Variants in RPS6KC1 observed in about 807,000 individuals in gnomAD.
RPS6KC1 encodes the protein inactive ribosomal protein S6 kinase delta-1.
A neutral mutation model predicts 103.8 loss-of-function variants in RPS6KC1; 54 were observed. The observed-to-expected ratio is 0.52, with a 90% CI of 0.42 to 0.65. The LOEUF (loss-of-function observed/expected upper bound fraction) is 0.65. Ranked by LOEUF, RPS6KC1 falls within the 30% of genes least tolerant of loss-of-function variation. The pLI is 0.00. For synonymous variants in RPS6KC1, 439 were observed against 438.7 expected, an observed-to-expected ratio of 1.00 and a Z score of -0.01; for missense variants, 1,151 against 1,253.8, an observed-to-expected ratio of 0.92 and a Z score of 1.24.
chr1:213,281,434 G>C, the RPS6KC1 span, among the ~76,000 whole-genome samples: 4 of 152,218 alleles, frequency 2.6e-5, no homozygotes, highest in Non-Finnish European at 4.4e-5. Context: ...TTAGGGCAGG[G>C]CCTGAAGCCT....
At chr1:213,833,026 C>A in the RPS6KC1 span, among the ~76,000 whole-genome samples, 2 of 152,152 alleles carry the variant, frequency 1.3e-5, no homozygotes, top group Non-Finnish European at 2.9e-5. Context: ...CCTGCCCACA[C>A]CCCCGAAGAC....
chr1:213,167,438 A>AC (rs2091060785), intron 6 of RPS6KC1, among the ~76,000 whole-genome samples: 2 of 127,576 alleles, frequency 1.6e-5, no homozygotes, highest in East Asian at 2.2e-4. Flanking sequence ...CCAAGGTTGA[A>AC]AACACACACA....
the RPS6KC1 span, among the ~76,000 whole-genome samples, chr1:213,333,055 T>G: frequency 6.6e-6 from 1 of 152,222 alleles, no homozygotes; most frequent in East Asian, 1.9e-4. Context: ...GAAAATCTTA[T>G]TGTTTCCACC....
chr1:213,844,313 C>G, the RPS6KC1 span, among the ~76,000 whole-genome samples: 2 of 152,136 alleles, frequency 1.3e-5, no homozygotes, highest in Non-Finnish European at 2.9e-5. Flanking sequence ...AAAATTCATA[C>G]AATTATGGAC....
At chr1:213,286,418 A>G in the RPS6KC1 span, among the ~76,000 whole-genome samples, 2 of 152,230 alleles carry the variant, frequency 1.3e-5, no homozygotes, top group Admixed American at 6.5e-5. Flanking sequence ...GGTCATGGCA[A>G]AAGGACTCAG....
chr1:213,323,288 A>G, the RPS6KC1 span, among the ~76,000 whole-genome samples: 2 of 152,124 alleles, frequency 1.3e-5, no homozygotes, highest in South Asian at 2.1e-4. Context: ...AGGGTAACAT[A>G]TTCACAAGTT....
the RPS6KC1 span, among the ~76,000 whole-genome samples, chr1:213,288,199 A>G: frequency 1.3e-5 from 2 of 152,198 alleles, no homozygotes; most frequent in South Asian, 2.1e-4. Context: ...TGCGCAATGC[A>G]CACACTTACA....
At chr1:213,115,490 C>G (rs2083486635) in intron 4 of RPS6KC1, among the ~76,000 whole-genome samples, 1 of 151,978 alleles carries the variant, frequency 6.6e-6, no homozygotes, top group African/African-American at 2.4e-5. Flanking sequence ...TTTGTTGATC[C>G]TTTCAAAAAA....
chr1:213,482,618 G>A, the RPS6KC1 span, among the ~76,000 whole-genome samples: 4 of 127,084 alleles, frequency 3.1e-5, no homozygotes, highest in Admixed American at 3.9e-4. Context: ...GCGTGATCTC[G>A]GCTCACTGCA....
the RPS6KC1 span, among the ~76,000 whole-genome samples, chr1:213,470,492 T>C: frequency 2.0e-5 from 3 of 152,216 alleles, no homozygotes; most frequent in Admixed American, 6.5e-5. Context: ...CTGTTTATGA[T>C]GTCAGTAACT....
chr1:213,400,251 C>G, the RPS6KC1 span, among the ~76,000 whole-genome samples: 3 of 151,928 alleles, frequency 2.0e-5, no homozygotes, highest in East Asian at 1.9e-4. Context: ...GAAGAGCTAC[C>G]GAAGAGAAAC....
chr1:213,061,892 C>T (rs1192018189), intron 1 of RPS6KC1, among the ~76,000 whole-genome samples: 3 of 152,106 alleles, frequency 2.0e-5, no homozygotes, highest in Non-Finnish European at 4.4e-5. Flanking sequence ...TTAATTTTGT[C>T]ACTTTTTCTT....
At chr1:213,801,396 T>C in the RPS6KC1 span, among the ~76,000 whole-genome samples, 1 of 152,198 alleles carries the variant, frequency 6.6e-6, no homozygotes, top group Non-Finnish European at 1.5e-5. Flanking sequence ...TTCAATGAAA[T>C]CTTGATTAAA....
the RPS6KC1 span, among the ~76,000 whole-genome samples, chr1:213,573,391 T>C: frequency 3.9e-5 from 6 of 152,202 alleles, no homozygotes; most frequent in South Asian, 4.1e-4. Flanking sequence ...CAAGATTGTA[T>C]GGAAAAAGAC....
downstream of RPS6KC1, among the ~76,000 whole-genome samples, chr1:213,275,239 G>C (rs1408924495): frequency 6.6e-6 from 1 of 152,002 alleles, no homozygotes; most frequent in Non-Finnish European, 1.5e-5. Context: ...CTACATTTTG[G>C]CTGTTGTGAA....
At chr1:213,814,038 A>G in the RPS6KC1 span, among the ~76,000 whole-genome samples, 1 of 152,246 alleles carries the variant, frequency 6.6e-6, no homozygotes, top group South Asian at 2.1e-4. Context: ...CTTTAGAACA[A>G]AGATATCTTG....
chr1:213,354,774 A>G, the RPS6KC1 span, among the ~76,000 whole-genome samples: 2 of 152,210 alleles, frequency 1.3e-5, no homozygotes, highest in Admixed American at 6.5e-5. Flanking sequence ...TAATCCACAA[A>G]TGGATTAATC....
the RPS6KC1 span, among the ~76,000 whole-genome samples, chr1:213,585,308 G>T: frequency 6.6e-6 from 1 of 152,122 alleles, no homozygotes; most frequent in African/African-American, 2.4e-5. Context: ...CTTTCCCTCT[G>T]CAGAGCCCAG....
At chr1:213,407,104 G>A in the RPS6KC1 span, among the ~76,000 whole-genome samples, 7 of 152,098 alleles carry the variant, frequency 4.6e-5, no homozygotes, top group Non-Finnish European at 5.9e-5. Context: ...CATCCTACAG[G>A]TGGACTCACT....
Sources: allele counts gnomAD v4.1 joint callset (sites outside exome capture counted in the v4.1 genomes callset), GRCh38; gene constraint gnomAD v4.1.1; transcripts MANE v1.5; gene names NCBI Gene and HGNC (gene_info 2026-07-23, HGNC 2026-07-21).